The following GRIK2 variants were observed in gnomAD, a reference collection of about 807,000 sequenced individuals.
GRIK2 encodes the protein glutamate receptor ionotropic, kainate 2.
Under a neutral mutation model 100.3 loss-of-function variants are expected in GRIK2, and 32 were observed. The ratio of observed to expected loss-of-function variants is 0.32; its 90% CI spans 0.24 to 0.43. The LOEUF (loss-of-function observed/expected upper bound fraction) is 0.43, where lower values mean the gene tolerates loss of function less well. Among genes scored for constraint, GRIK2 ranks in the 20% least tolerant of loss-of-function variants. The pLI is 1.00. For missense variants in GRIK2, 843 were observed against 1,114.9 expected, an observed-to-expected ratio of 0.76 and a Z score of 3.47; for synonymous variants, 417 against 389.4, an observed-to-expected ratio of 1.07 and a Z score of -0.83.
chr6:101,800,414 A>G (rs1780598763), intron 8 of GRIK2, among the ~76,000 whole-genome samples: 1 of 151,996 alleles, frequency 6.6e-6, no homozygotes, highest in Non-Finnish European at 1.5e-5. Context: ...AAATATGTAT[A>G]CGTATATATT....
intron 2 of GRIK2, among the ~76,000 whole-genome samples, chr6:101,568,583 G>A (rs115677851): frequency 6.6e-6 from 1 of 152,020 alleles, no homozygotes; most frequent in Admixed American, 6.6e-5. Context: ...CTGGTTATAA[G>A]AGGATGAATA....
intron 4 of GRIK2, among the ~76,000 whole-genome samples, chr6:101,649,052 C>G (rs191222913): frequency 6.6e-6 from 1 of 152,000 alleles, no homozygotes; most frequent in African/African-American, 2.4e-5. Context: ...ACCCTTGACA[C>G]GTGGAGATTA....
At chr6:101,751,610 CCCT>C (rs1373803614) in intron 7 of GRIK2, among the ~76,000 whole-genome samples, 1 of 152,056 alleles carries the variant, frequency 6.6e-6, no homozygotes, top group Non-Finnish European at 1.5e-5. Context: ...ATTTTTTCCC[CCCT>C]ACCATTGGGT....
intron 10 of GRIK2, among the ~76,000 whole-genome samples, chr6:101,830,444 A>G (rs1440683053): frequency 6.6e-6 from 1 of 151,990 alleles, no homozygotes; most frequent in South Asian, 2.1e-4. Flanking sequence ...GAAGTTCTAC[A>G]TGCAAAAAAA....
chr6:101,525,935 C>T (rs1775130161), intron 2 of GRIK2, among the ~76,000 whole-genome samples: 1 of 152,132 alleles, frequency 6.6e-6, no homozygotes, highest in Non-Finnish European at 1.5e-5. Flanking sequence ...ACAGACACTA[C>T]CTGTGCTGTA....
At chr6:101,540,947 T>G (rs568003461) in intron 2 of GRIK2, among the ~76,000 whole-genome samples, 25 of 152,064 alleles carry the variant, frequency 1.6e-4, no homozygotes, top group Admixed American at 2.6e-4. Flanking sequence ...ATTTAAGTAG[T>G]GCAAGCAAGA....
chr6:101,899,624 G>A lies in GRIK2; in HGVS notation c.1748+9761G>A, dbSNP rs139568812. Among the ~76,000 whole-genome samples the A allele has an allele frequency of 5.9e-3, 902 of 151,950 alleles. 5 individuals carry two copies. The highest frequency in any genetic ancestry group is 9.9e-3 in the Non-Finnish European group (669 of 67,914). On this transcript the variant is annotated intron_variant, in intron 12 of 16. Transcript: ENST00000369134. ...CTAAATTAATTACTTTTAACATTTC[G>A]CTTTCTCATGGGCTTCTGACTACAC...
intron 2 of GRIK2, among the ~76,000 whole-genome samples, chr6:101,498,916 T>C (rs911222816): frequency 6.6e-6 from 1 of 152,180 alleles, no homozygotes; most frequent in African/African-American, 2.4e-5. Flanking sequence ...CCATTGCTTT[T>C]GGTGTTTTAG....
At chr6:101,460,772 A>G (rs1363563720) in intron 2 of GRIK2, among the ~76,000 whole-genome samples, 1 of 152,178 alleles carries the variant, frequency 6.6e-6, no homozygotes, top group African/African-American at 2.4e-5. Context: ...GCTCTCTAAC[A>G]TCAAATTTTG....
intron 7 of GRIK2, among the ~76,000 whole-genome samples, chr6:101,743,495 C>G (rs1776178701): frequency 6.6e-6 from 1 of 152,142 alleles, no homozygotes; most frequent in Non-Finnish European, 1.5e-5. Flanking sequence ...CTTATTTAGA[C>G]CAGCTAATAG....
At chr6:101,418,862 T>A (rs995028987) in intron 2 of GRIK2, among the ~76,000 whole-genome samples, 4 of 152,178 alleles carry the variant, frequency 2.6e-5, no homozygotes, top group African/African-American at 4.8e-5. Context: ...TTTTCAATTT[T>A]CTCTCATTTA....
At chr6:101,900,991 C>T (rs570924279) in intron 12 of GRIK2, among the ~76,000 whole-genome samples, 50 of 151,538 alleles carry the variant, frequency 3.3e-4, no homozygotes, top group African/African-American at 1.2e-3. Context: ...GGACAGTCTG[C>T]CTGAAGTCTG....
intron 1 of GRIK2, among the ~76,000 whole-genome samples, chr6:101,396,944 G>A (rs1004238650): frequency 6.6e-6 from 1 of 152,114 alleles, no homozygotes; most frequent in African/African-American, 2.4e-5. Flanking sequence ...TTAATTTATT[G>A]TGTAATAACT....
chr6:101,556,031 A>G (rs2749070), intron 2 of GRIK2, among the ~76,000 whole-genome samples: 121,329 of 151,902 alleles, frequency 0.8, 48,794 homozygotes, highest in African/African-American at 0.87. Flanking sequence ...TTTAATGTTA[A>G]CATTTTGTCA....
chr6:101,859,823 G>C (rs1039045225), intron 11 of GRIK2, among the ~76,000 whole-genome samples: 2 of 152,072 alleles, frequency 1.3e-5, no homozygotes, highest in Non-Finnish European at 2.9e-5. Flanking sequence ...GGCTTAATTA[G>C]CTTTTAAAGG....
intron 7 of GRIK2, among the ~76,000 whole-genome samples, chr6:101,746,715 C>G (rs1776440899): frequency 6.6e-6 from 1 of 152,150 alleles, no homozygotes; most frequent in African/African-American, 2.4e-5. Context: ...TTAAGATATA[C>G]ATTTTCACTT....
rs1376723314 is a variant in GRIK2, at chr6:101,955,617, C to CTCTCTCTCT, written c.2085+26985_2085+26986insTCTCTCTCT. Among the ~76,000 whole-genome samples the CTCTCTCTCT allele has an allele frequency of 5.4e-4, 63 of 116,428 alleles. 2 individuals are homozygous for CTCTCTCTCT. The highest frequency in any genetic ancestry group is 4.8e-3 in the Middle Eastern group (1 of 208). 76.4% of individuals were successfully genotyped at this position (116,428 alleles called of 152,430 possible). A position where few individuals can be genotyped will look rare whatever the true frequency, so the allele number is the denominator to read the frequency against. ...CTCTCTCTCTCTCTCTCTCTCTCTCCCCCCCATTTCTTTTACAGTCAGATT... is the reference window on the plus strand; with the variant it reads ...CTCTCTCTCTCTCTCTCTCTCTCTCCTCTCTCTCTCCCCCATTTCTTTTACAGTCAGATT... On this transcript the variant is annotated intron_variant, in intron 14 of 16. Transcript: ENST00000369134.
intron 2 of GRIK2, among the ~76,000 whole-genome samples, chr6:101,604,800 G>A (rs1035695539): frequency 5.9e-5 from 9 of 151,758 alleles, no homozygotes; most frequent in African/African-American, 1.2e-4. Flanking sequence ...TATTTTCTTC[G>A]TAGTAATAAG....
intron 2 of GRIK2, among the ~76,000 whole-genome samples, chr6:101,462,928 G>T (rs982895348): frequency 2.0e-5 from 3 of 152,084 alleles, no homozygotes; most frequent in Non-Finnish European, 4.4e-5. Context: ...GAACATCTGA[G>T]TTATGCTGAG....
Sources: allele counts gnomAD v4.1 joint callset (sites outside exome capture counted in the v4.1 genomes callset), GRCh38; gene constraint gnomAD v4.1.1; transcripts MANE v1.5; gene names NCBI Gene and HGNC (gene_info 2026-07-23, HGNC 2026-07-21).